ZNF385D: variants seen among roughly 807,000 people sequenced by gnomAD.
ZNF385D encodes the protein zinc finger protein 385D.
ZNF385D carries 15 observed loss-of-function variants against 35.8 expected under a neutral mutation model. The ratio of observed to expected loss-of-function variants is 0.42; its 90% confidence interval spans 0.28 to 0.64. The LOEUF is 0.64. Ranked by LOEUF, ZNF385D falls within the 30% of genes least tolerant of loss-of-function variation. ZNF385D has a pLI of 0.23. For synonymous variants in ZNF385D, 212 were observed against 186.8 expected (o/e 1.13, Z -1.10); for missense variants, 474 against 494.6 (o/e 0.96, Z 0.39).
intron 2 of ZNF385D, among the ~76,000 whole-genome samples, chr3:22,335,717 A>G (rs1187959398): frequency 6.6e-6 from 1 of 152,178 alleles, no homozygotes; most frequent in Non-Finnish European, 1.5e-5. Context: ...CCACCAGAAA[A>G]TTAACCAAAA....
At chr3:22,283,379 CATTCT>C (rs1212284898) in intron 2 of ZNF385D, among the ~76,000 whole-genome samples, 1 of 152,120 alleles carries the variant, frequency 6.6e-6, no homozygotes, top group Non-Finnish European at 1.5e-5. Flanking sequence ...GCAGAATATA[CATTCT>C]ATTCAATTGC....
chr3:21,439,872 A>T (rs1023833358), intron 4 of ZNF385D, among the ~76,000 whole-genome samples: 4 of 151,962 alleles, frequency 2.6e-5, no homozygotes, highest in South Asian at 2.1e-4. Flanking sequence ...TAATATCAAC[A>T]CTCAACTTCT....
intron 2 of ZNF385D, among the ~76,000 whole-genome samples, chr3:22,285,887 A>G (rs1328892094): frequency 1.3e-5 from 2 of 152,162 alleles, no homozygotes; most frequent in East Asian, 1.9e-4. Context: ...AGTATTTACT[A>G]TAAATCTTAT....
chr3:22,324,038 A>G (rs1234639856), intron 2 of ZNF385D, among the ~76,000 whole-genome samples: 3 of 152,172 alleles, frequency 2.0e-5, no homozygotes, highest in African/African-American at 7.2e-5. Context: ...AAAAGATATC[A>G]TGAAAGCTCC....
At chr3:21,982,797 C>A (rs541691685) in intron 3 of ZNF385D, among the ~76,000 whole-genome samples, 2 of 140,710 alleles carry the variant, frequency 1.4e-5, no homozygotes, top group African/African-American at 5.6e-5. Flanking sequence ...ACATGAAGGG[C>A]TGTTGAATTT....
intron 3 of ZNF385D, among the ~76,000 whole-genome samples, chr3:21,892,543 T>A (rs990531185): frequency 1.3e-5 from 2 of 152,204 alleles, no homozygotes; most frequent in Non-Finnish European, 2.9e-5. Context: ...AATGTAAGCA[T>A]GACTTTTCTC....
intron 3 of ZNF385D, among the ~76,000 whole-genome samples, chr3:21,784,856 T>C (rs1250588207): frequency 6.6e-6 from 1 of 152,194 alleles, no homozygotes; most frequent in Non-Finnish European, 1.5e-5. Context: ...GCACTGTTAC[T>C]GATTGTGATT....
intron 3 of ZNF385D, among the ~76,000 whole-genome samples, chr3:21,836,824 G>C (rs577038240): frequency 6.6e-6 from 1 of 151,970 alleles, no homozygotes; most frequent in Non-Finnish European, 1.5e-5. Flanking sequence ...AAAAATATAA[G>C]GTAGTTTGCA....
At chr3:22,120,043 T>G (rs569239715) in intron 3 of ZNF385D, among the ~76,000 whole-genome samples, 147 of 151,390 alleles carry the variant, frequency 9.7e-4, no homozygotes, top group African/African-American at 3.5e-3. Context: ...TTGACCAGAT[T>G]AGTCTTGAAG....
intron 2 of ZNF385D, among the ~76,000 whole-genome samples, chr3:22,207,724 G>T (rs961959191): frequency 2.0e-4 from 31 of 151,812 alleles, no homozygotes; most frequent in African/African-American, 7.5e-4. Context: ...AATATATAAA[G>T]AGCTCAAACA....
At chr3:22,186,292 G>C (rs1024123395) in intron 2 of ZNF385D, among the ~76,000 whole-genome samples, 1 of 152,132 alleles carries the variant, frequency 6.6e-6, no homozygotes, top group East Asian at 1.9e-4. Context: ...ACGAGCATGA[G>C]TTCAGAAGTA....
chr3:21,424,592 C>A (rs1298648985), intron 6 of ZNF385D, among the ~76,000 whole-genome samples: 1 of 150,602 alleles, frequency 6.6e-6, no homozygotes, highest in African/African-American at 2.4e-5. Flanking sequence ...AGATTACAGG[C>A]GTGAGCCACT....
At chr3:22,272,690 A>G (rs967820640) in intron 2 of ZNF385D, among the ~76,000 whole-genome samples, 7 of 152,034 alleles carry the variant, frequency 4.6e-5, no homozygotes, top group Admixed American at 4.6e-4. Context: ...CAGAAAATTT[A>G]TTGCATTAAG....
At chr3:21,568,200 C>T (rs1457883187) in intron 2 of ZNF385D, among the ~76,000 whole-genome samples, 1 of 152,030 alleles carries the variant, frequency 6.6e-6, no homozygotes, top group Non-Finnish European at 1.5e-5. Context: ...AAATCATTCA[C>T]ACGTATATAT....
At chr3:22,075,905 G>A (rs1026009207) in intron 3 of ZNF385D, among the ~76,000 whole-genome samples, 3 of 151,834 alleles carry the variant, frequency 2.0e-5, no homozygotes, top group African/African-American at 7.2e-5. Flanking sequence ...AATCCATCCA[G>A]TTCCTTGAGT....
intron 3 of ZNF385D, among the ~76,000 whole-genome samples, chr3:21,929,387 C>T (rs1350178487): frequency 6.6e-6 from 1 of 152,036 alleles, no homozygotes; most frequent in African/African-American, 2.4e-5. Flanking sequence ...TGAATACTCT[C>T]ACCCAAAGAC....
rs143368679 is a variant in ZNF385D at position 22,168,261 on chromosome 3, T to G, written c.325+556A>C. On this transcript the variant is annotated intron_variant, in intron 3 of 5. Transcript: ENST00000494108. ...CTTCCCAAAGATATTTTTGTGCTAT[T>G]TGAAAAATCTATTCACTCATAAATT... 2.3e-3 allele frequency among the ~76,000 whole-genome samples: 351 copies of G among 152,248 alleles called. 2 individuals carry two copies. Among genetic ancestry groups the G allele is most frequent in the African/African-American group, 8.1e-3 (337 of 41,538 alleles).
intron 4 of ZNF385D, among the ~76,000 whole-genome samples, chr3:21,442,066 G>T (rs919577863): frequency 2.6e-5 from 4 of 152,294 alleles, no homozygotes; most frequent in African/African-American, 9.6e-5. Flanking sequence ...AGTATTCAAA[G>T]TGGCCCATTT....
intron 2 of ZNF385D, among the ~76,000 whole-genome samples, chr3:21,621,807 T>C (rs928093685): frequency 6.6e-6 from 1 of 150,796 alleles, no homozygotes; most frequent in Non-Finnish European, 1.5e-5. Context: ...ATTTGATTAC[T>C]AATTTTATGT....
Sources: allele counts gnomAD v4.1 joint callset (sites outside exome capture counted in the v4.1 genomes callset), GRCh38; gene constraint gnomAD v4.1.1; transcripts MANE v1.5; gene names NCBI Gene and HGNC (gene_info 2026-07-23, HGNC 2026-07-21).